Variants in RNF150 observed in about 807,000 individuals in gnomAD.
The protein encoded by RNF150 is ring finger protein 150.
RNF150 carries 24 observed loss-of-function variants against 39.3 expected under a neutral mutation model. The observed-to-expected ratio is 0.61, with a 90% CI of 0.44 to 0.86. RNF150 has a LOEUF of 0.86. RNF150 is among the 40% of genes least tolerant of loss of function. The probability of loss-of-function intolerance (pLI) is 0.00; values close to 1 mark genes in which losing one functional copy is unlikely to be tolerated. For synonymous variants in RNF150, 255 were observed against 227.3 expected, an observed-to-expected ratio of 1.12 and a Z score of -1.10; for missense variants, 502 against 587.8, an observed-to-expected ratio of 0.85 and a Z score of 1.51.
chr4:140,970,992 C>G (rs1006986553), intron 1 of RNF150, among the ~76,000 whole-genome samples: 14 of 151,868 alleles, frequency 9.2e-5, no homozygotes, highest in Non-Finnish European at 2.1e-4. Flanking sequence ...GAAACAGTCA[C>G]TAAGAATTTA....
chr4:140,929,427 C>T (rs566385445), intron 4 of RNF150, among the ~76,000 whole-genome samples: 94 of 132,678 alleles, frequency 7.1e-4, no homozygotes, highest in African/African-American at 2.6e-3. Context: ...AGTGCAGTGG[C>T]GCGATCTCGG....
chr4:141,050,315 A>G (rs1736729468), intron 1 of RNF150, among the ~76,000 whole-genome samples: 1 of 152,116 alleles, frequency 6.6e-6, no homozygotes, highest in Admixed American at 6.6e-5. Flanking sequence ...AAACCATATC[A>G]TTCCACTCCT....
intron 4 of RNF150, among the ~76,000 whole-genome samples, chr4:140,941,027 T>G (rs1213783471): frequency 6.6e-6 from 1 of 151,686 alleles, no homozygotes; most frequent in Non-Finnish European, 1.5e-5. Flanking sequence ...TTAAAGTGAC[T>G]GGAAGATTCA....
chr4:141,150,469 G>A (rs1727277902), intron 1 of RNF150, among the ~76,000 whole-genome samples: 1 of 152,098 alleles, frequency 6.6e-6, no homozygotes, highest in Middle Eastern at 3.2e-3. Context: ...CTTCCTACTT[G>A]GTCCTTTAGT....
intron 1 of RNF150, among the ~76,000 whole-genome samples, chr4:140,995,005 T>C (rs1252309940): frequency 6.6e-6 from 1 of 152,210 alleles, no homozygotes; most frequent in Non-Finnish European, 1.5e-5. Flanking sequence ...AGTTATACTA[T>C]TTTATTAATT....
chr4:140,911,239 G>GTGAC lies in RNF150; in HGVS notation c.1099_1102dup (p.Thr368SerfsTer33). 1.2e-6 allele frequency: 2 copies of GTGAC among 1,614,152 alleles called. No homozygotes were observed. The highest frequency in any genetic ancestry group is 1.7e-6 in the Non-Finnish European group (2 of 1,180,028). On this transcript the variant is annotated frameshift_variant, in exon 6 of 7. Transcript: ENST00000515673. LOFTEE classifies it high-confidence loss of function. ...CACAGTCCGGACAGCAGGGTCCAAAGTGACTGAACTTTCATTCACTGTTGT... is the reference window on the plus strand; with the variant it reads ...CACAGTCCGGACAGCAGGGTCCAAAGTGACTGACTGAACTTTCATTCACTGTTGT...
chr4:140,919,280 GAA>G (rs1730997214), intron 5 of RNF150, among the ~76,000 whole-genome samples: 2 of 144,424 alleles, frequency 1.4e-5, no homozygotes, highest in African/African-American at 5.1e-5. Flanking sequence ...TGTATATCTA[GAA>G]AACCCCACTG....
At chr4:141,070,038 G>GT (rs540209001) in intron 1 of RNF150, among the ~76,000 whole-genome samples, 2 of 151,964 alleles carry the variant, frequency 1.3e-5, no homozygotes, top group South Asian at 2.1e-4. Flanking sequence ...TTTTTGAAGG[G>GT]TTTTTTGTGT....
Position 140,990,044 on chromosome 4 carries a change from GT to G in RNF150, c.485-22172del, listed in dbSNP as rs1473079905. 2.6e-5 allele frequency among the ~76,000 whole-genome samples: 4 copies of G among 152,210 alleles called. No individual in the cohort carries two copies. The East Asian group carries it at 7.7e-4, about 29-fold the overall frequency. On this transcript the variant is annotated intron_variant, in intron 1 of 6. Coordinates refer to ENST00000515673, the MANE Select transcript of RNF150 (RefSeq NM_020724.2). ...ACCTGTTTTCAGCATCTATTTGAAA[GT>G]TCCAAATTATATTTAGGCTATTCAA...
chr4:141,002,711 C>A (rs549868951), intron 1 of RNF150, among the ~76,000 whole-genome samples: 19 of 152,134 alleles, frequency 1.2e-4, no homozygotes, highest in Non-Finnish European at 2.4e-4. Context: ...TATAACCAAG[C>A]CAGATATAGT....
At chr4:141,010,412 T>C (rs1327222800) in intron 1 of RNF150, among the ~76,000 whole-genome samples, 2 of 152,096 alleles carry the variant, frequency 1.3e-5, no homozygotes, top group African/African-American at 4.8e-5. Flanking sequence ...ATGCCAAAGG[T>C]TTTATTTATT....
intron 6 of RNF150, among the ~76,000 whole-genome samples, chr4:140,871,311 CA>C (rs560995172): frequency 2.0e-5 from 3 of 151,924 alleles, no homozygotes; most frequent in South Asian, 4.2e-4. Flanking sequence ...CACTGAGAAA[CA>C]AAGTTGCCTT....
chr4:141,155,581 T>C (rs1727377792), intron 1 of RNF150, among the ~76,000 whole-genome samples: 1 of 152,138 alleles, frequency 6.6e-6, no homozygotes, highest in Non-Finnish European at 1.5e-5. Flanking sequence ...CTAGGAATAA[T>C]CACAAAATTG....
intron 1 of RNF150, among the ~76,000 whole-genome samples, chr4:141,011,520 C>T (rs1425173958): frequency 2.0e-5 from 3 of 152,162 alleles, no homozygotes; most frequent in Non-Finnish European, 4.4e-5. Context: ...AGCTCCTGTC[C>T]AGACAACATG....
At chr4:141,052,171 C>A (rs894830308) in intron 1 of RNF150, among the ~76,000 whole-genome samples, 1 of 152,078 alleles carries the variant, frequency 6.6e-6, no homozygotes, top group African/African-American at 2.4e-5. Context: ...TCCCATGACA[C>A]ATGAGAATTG....
chr4:140,914,091 G>T (rs904517366), intron 5 of RNF150, among the ~76,000 whole-genome samples: 2 of 152,108 alleles, frequency 1.3e-5, no homozygotes, highest in African/African-American at 4.8e-5. Context: ...TGTTGATATT[G>T]TTCTTTGTAT....
At chr4:141,058,004 G>A (rs1413469878) in intron 1 of RNF150, among the ~76,000 whole-genome samples, 1 of 152,040 alleles carries the variant, frequency 6.6e-6, no homozygotes, top group East Asian at 1.9e-4. Flanking sequence ...TGTGGCTAGG[G>A]TGCTATGAAC....
intron 1 of RNF150, among the ~76,000 whole-genome samples, chr4:141,181,009 TAGATAG>T (rs979854587): frequency 2.6e-5 from 4 of 152,346 alleles, no homozygotes; most frequent in Non-Finnish European, 5.9e-5. Context: ...AAAGGTGATA[TAGATAG>T]AAAGTCCCCA....
intron 1 of RNF150, among the ~76,000 whole-genome samples, chr4:141,156,562 T>A (rs770459660): frequency 1.4e-4 from 22 of 152,056 alleles, no homozygotes; most frequent in Non-Finnish European, 2.1e-4. Context: ...ACTACAGGCA[T>A]GAGTCACTGC....
Sources: allele counts gnomAD v4.1 joint callset (sites outside exome capture counted in the v4.1 genomes callset), GRCh38; gene constraint gnomAD v4.1.1; transcripts MANE v1.5; gene names NCBI Gene and HGNC (gene_info 2026-07-23, HGNC 2026-07-21).